Variants in ABCE1 observed in about 807,000 individuals in gnomAD.
ABCE1 encodes ATP-binding cassette sub-family E member 1.
In ABCE1, 22 loss-of-function variants were observed where a neutral mutation model predicts 83.4. The observed-to-expected ratio is 0.26, with a 90% CI of 0.19 to 0.38. The LOEUF is 0.38. ABCE1 is among the 10% of genes least tolerant of loss of function. ABCE1 has a pLI of 1.00. For synonymous variants in ABCE1, 204 were observed against 233.7 expected, an observed-to-expected ratio of 0.87 and a Z score of 1.16; for missense variants, 330 against 721.9, an observed-to-expected ratio of 0.46 and a Z score of 6.22.
chr4:145,110,358 T>G lies in ABCE1; in HGVS notation c.544-17T>G, dbSNP rs1013692992. ...TATTGAAAGAAAATAGTAACTGTTT[T>G]TGGTATATTGTGGCAGGGGACAGTG... On this transcript the variant is annotated splice_polypyrimidine_tract_variant and intron_variant, in intron 6 of 17. Coordinates refer to ENST00000296577, the MANE Select transcript of ABCE1 (RefSeq NM_002940.3). The G allele has an allele frequency of 4.3e-6, 7 of 1,610,992 alleles. No individual in the cohort carries two copies. In the South Asian group the frequency reaches 5.5e-5, roughly 13 times the overall value.
In ABCE1 at chr4:145,122,174, C is replaced by G. The variant is rs1262925274; in HGVS notation, c.1263+783C>G. 3 of 152,344 alleles carry G rather than the reference C, an allele frequency of 2.0e-5. No homozygotes were observed. The East Asian group carries it at 5.8e-4, about 29-fold the overall frequency. 9.4% of individuals were successfully genotyped at this position (152,344 alleles called of 1,614,324 possible). A position where few individuals can be genotyped will look rare whatever the true frequency, so the allele number is the denominator to read the frequency against. On this transcript the variant is annotated intron_variant, in intron 13 of 17. Coordinates refer to ENST00000296577, the MANE Select transcript of ABCE1 (RefSeq NM_002940.3). ...TGTTAAAGTTAACCTCCTTTGATTTCTGCGGGTGTTGTAATGAACTCCTCA... is the reference window on the plus strand; with the variant it reads ...TGTTAAAGTTAACCTCCTTTGATTTGTGCGGGTGTTGTAATGAACTCCTCA...
At chr4:145,101,475 A>T (rs1256171002) in intron 1 of ABCE1, among the ~76,000 whole-genome samples, 1 of 152,216 alleles carries the variant, frequency 6.6e-6, no homozygotes, top group Non-Finnish European at 1.5e-5. Flanking sequence ...GCAGGATTTT[A>T]AATAGAGGAG....
At position 145,125,944 on chromosome 4, in the gene ABCE1, G is replaced by A. The variant is rs867843938; in HGVS notation, c.1752+843G>A. On this transcript the variant is annotated intron_variant, in intron 17 of 17. Transcript: ENST00000296577. ...TAATCCCAGCTACTCGGGAGGCTGA[G>A]GCAGGAGAATCACTTCAACCCAGGA... Among the ~76,000 whole-genome samples, 6 of 152,148 alleles carry A rather than the reference G, an allele frequency of 3.9e-5. 1 individual carries two copies. Among genetic ancestry groups the A allele is most frequent in the African/African-American group, 7.2e-5 (3 of 41,524 alleles).
intron 5 of ABCE1, among the ~76,000 whole-genome samples, chr4:145,109,809 C>G (rs1749414055): frequency 6.6e-6 from 1 of 152,124 alleles, no homozygotes; most frequent in South Asian, 2.1e-4. Flanking sequence ...AAAACATTTT[C>G]ACTTGTTTTG....
At chr4:145,120,322 T>C (rs1749710825) in intron 11 of ABCE1, among the ~76,000 whole-genome samples, 169 bp downstream of exon 11, 1 of 152,134 alleles carries the variant, frequency 6.6e-6, no homozygotes, top group Non-Finnish European at 1.5e-5. Flanking sequence ...CATTGTGTAA[T>C]TCAATTTCAC....
In ABCE1 at chr4:145,106,634, G is replaced by A. The variant is rs147544458; in HGVS notation, c.189+944G>A. Among the ~76,000 whole-genome samples the A allele has an allele frequency of 2.9e-3, 434 of 152,142 alleles. 4 individuals carry two copies. Among genetic ancestry groups the A allele is most frequent in the African/African-American group, 9.6e-3 (398 of 41,556 alleles). On this transcript the variant is annotated intron_variant, in intron 3 of 17. Transcript: ENST00000296577. Reference sequence around the variant, plus strand: ...ACTAATGAGGTGGTCCTCTTTGAGGGTGGAGAAGTAATGTATAATTCCTGA... The same window carrying A: ...ACTAATGAGGTGGTCCTCTTTGAGGATGGAGAAGTAATGTATAATTCCTGA...
chr4:145,125,091 A>C lies in ABCE1; in HGVS notation c.1742A>C (p.Asn581Thr). The stretch of plus-strand genomic sequence containing the variant: ...TATAGGCCACGAATAAACAAACTTA[A>C]TTCAATTAAGGTATGTAGAAAAGTT... ...NNYRPRINKL[N>T]SIKDVEQKKS... is the part of the protein sequence containing the mutation. Residue 581 changes from asparagine to threonine, a missense_variant, in exon 17 of 18, where the codon AAT becomes ACT. Coordinates refer to ENST00000296577, the MANE Select transcript of ABCE1 (RefSeq NM_002940.3). 6.2e-7 allele frequency: 1 copy of C among 1,601,250 alleles called. No individual in the cohort carries two copies. The highest frequency in any genetic ancestry group is 8.6e-7 in the Non-Finnish European group (1 of 1,168,876).
In ABCE1 at chr4:145,127,624, G is replaced by T. The variant is rs758786818; in HGVS notation, c.*51G>T. 3 of 1,433,526 alleles carry T rather than the reference G, an allele frequency of 2.1e-6. No individual in the cohort carries two copies. Among genetic ancestry groups the T allele is most frequent in the Non-Finnish European group, 9.3e-7 (1 of 1,072,840 alleles). 88.8% of individuals were successfully genotyped at this position (1,433,526 alleles called of 1,614,324 possible). On this transcript the variant is annotated 3_prime_UTR_variant, in exon 18 of 18. Transcript: ENST00000296577. ...CATTTATTAAAAGGAGTATTTACTA[G>T]AATTTTTTGTCATATAAAACTTGAA...
At chr4:145,126,315 G>A (rs1411868837) in intron 17 of ABCE1, among the ~76,000 whole-genome samples, 2 of 151,926 alleles carry the variant, frequency 1.3e-5, no homozygotes, top group Non-Finnish European at 2.9e-5. Context: ...GTTTTTTTGA[G>A]GCAGAGTCTC....
chr4:145,118,419 C>A (rs1749660254), intron 10 of ABCE1, among the ~76,000 whole-genome samples: 1 of 151,534 alleles, frequency 6.6e-6, no homozygotes, highest in South Asian at 2.1e-4. Context: ...ATGGTTGTAA[C>A]TTACCTACTT....
At chr4:145,116,175 G>C (rs923962591) in intron 9 of ABCE1, among the ~76,000 whole-genome samples, 1 of 151,896 alleles carries the variant, frequency 6.6e-6, no homozygotes, top group Non-Finnish European at 1.5e-5. Context: ...TAAGAAAAAA[G>C]ATGCATTCTT....
chr4:145,110,046 C>G, intron 5 of ABCE1, 57 bp from the exon 6 acceptor site: 1 of 1,413,056 alleles, frequency 7.1e-7, no homozygotes, highest in South Asian at 1.5e-5. Context: ...AGCATTCATC[C>G]TCTTTGTCAT....
At chr4:145,115,240 T>A (rs998644284) in intron 9 of ABCE1, among the ~76,000 whole-genome samples, 1 of 151,916 alleles carries the variant, frequency 6.6e-6, no homozygotes, top group Non-Finnish European at 1.5e-5. Flanking sequence ...AAGGTTGGGG[T>A]TGGGGGCAGG....
intron 2 of ABCE1, 74 bp from the exon 3 acceptor site, chr4:145,105,531 A>T (rs1230710350): frequency 9.9e-7 from 1 of 1,014,544 alleles, no homozygotes; most frequent in East Asian, 2.5e-5. Context: ...TAGAACCAGC[A>T]TTGCCTAAAT....
rs36086163 is a variant in ABCE1 at position 145,123,373 on chromosome 4, C to A, written c.1517+16C>A. The stretch of plus-strand genomic sequence containing the variant: ...TTGTCAAACGGTAAATATCTTGCTC[C>A]TAGCCATATTTTGATTATGTATACT... On this transcript the variant is annotated intron_variant, in intron 15 of 17. Coordinates refer to ENST00000296577, the MANE Select transcript of ABCE1 (RefSeq NM_002940.3). The A allele has an allele frequency of 9.2e-4, 1,469 of 1,596,804 alleles. 9 individuals are homozygous for A. In the African/African-American group the frequency reaches 0.015, roughly 16 times the overall value.
At chr4:145,117,934 T>C (rs751602626) in intron 10 of ABCE1, among the ~76,000 whole-genome samples, 1 of 151,720 alleles carries the variant, frequency 6.6e-6, no homozygotes, top group African/African-American at 2.4e-5. Context: ...TTCCCTGGCC[T>C]CTCCCTTCCA....
chr4:145,116,750 C>A (rs1168196631), intron 9 of ABCE1, among the ~76,000 whole-genome samples: 3 of 151,946 alleles, frequency 2.0e-5, no homozygotes, highest in Non-Finnish European at 2.9e-5. Flanking sequence ...TACCCACTAA[C>A]CTATTTTCTT....
rs747786322 is a variant in ABCE1 at position 145,117,330 on chromosome 4, G to A, written c.838G>A (p.Asp280Asn). ...GGTGGAACATGATCTAAGTGTATTA[G>A]ACTATCTCTCCGACTTCATCTGCTG... ...IVVEHDLSVL[D>N]YLSDFICCLY... Residue 280 changes from aspartate to asparagine, a missense_variant, in exon 10 of 18, where the codon GAC becomes AAC. Transcript: ENST00000296577. The A allele has an allele frequency of 6.2e-7, 1 of 1,609,728 alleles. No individual in the cohort carries two copies. Among genetic ancestry groups the A allele is most frequent in the Non-Finnish European group, 8.5e-7 (1 of 1,177,950 alleles).
chr4:145,108,882 TGTA>T (rs546030774), intron 4 of ABCE1, among the ~76,000 whole-genome samples: 184 of 152,342 alleles, frequency 1.2e-3, no homozygotes, highest in African/African-American at 4.2e-3. Flanking sequence ...AAATAAAACT[TGTA>T]GTAATGTTGT....
Sources: gnomAD v4.1 joint callset for allele counts (sites outside exome capture counted in the v4.1 genomes callset) on GRCh38, gnomAD v4.1.1 for gene constraint, MANE v1.5 for transcripts, NCBI Gene and HGNC (gene_info 2026-07-23, HGNC 2026-07-21) for gene names.